SEC23A: variants seen among roughly 807,000 people sequenced by gnomAD.
SEC23A encodes SEC23 homolog A, COPII component.
SEC23A carries 56 observed loss-of-function variants against 103.7 expected under a neutral mutation model. That is an observed-to-expected ratio of 0.54 (90% confidence interval 0.44 to 0.67). The LOEUF (loss-of-function observed/expected upper bound fraction) is 0.67. SEC23A is among the 30% of genes least tolerant of loss of function. The pLI is 0.00. For synonymous variants in SEC23A, 281 were observed against 293.0 expected, an observed-to-expected ratio of 0.96 and a Z score of 0.42; for missense variants, 784 against 936.4, an observed-to-expected ratio of 0.84 and a Z score of 2.12.
chr14:39,087,388 G>T (rs57550673), intron 5 of SEC23A: 59,328 of 208,232 alleles, frequency 0.28, 9,691 homozygotes, highest in Non-Finnish European at 0.35. Flanking sequence ...GGAATACAAT[G>T]GTAAAAACTA....
chr14:39,082,975 AT>A (rs536653627), intron 7 of SEC23A, among the ~76,000 whole-genome samples: 44 of 152,336 alleles, frequency 2.9e-4, no homozygotes, highest in Non-Finnish European at 5.6e-4. Context: ...AGTAAAGGAA[AT>A]TATTGGGACA....
intron 13 of SEC23A, among the ~76,000 whole-genome samples, chr14:39,055,727 T>C (rs1886222938): frequency 6.6e-6 from 1 of 152,190 alleles, no homozygotes; most frequent in Non-Finnish European, 1.5e-5. Flanking sequence ...GATAACATTA[T>C]CCAAGAAGCC....
chr14:39,062,886 A>G (rs1036362090), intron 12 of SEC23A, among the ~76,000 whole-genome samples: 2 of 152,292 alleles, frequency 1.3e-5, no homozygotes, highest in African/African-American at 4.8e-5. Context: ...AAATACGATT[A>G]CTTTCCAAAC....
intron 5 of SEC23A, among the ~76,000 whole-genome samples, chr14:39,090,043 C>T (rs915763821): frequency 4.6e-5 from 7 of 152,180 alleles, no homozygotes; most frequent in African/African-American, 1.7e-4. Context: ...ACTCATTATC[C>T]TCCCCATTTA....
Position 39,045,253 on chromosome 14 carries a change from A to G in SEC23A, c.1809T>C (p.Tyr603=). The part of the protein sequence containing the change: ...FNNSPDESSY[Y]RHHFMRQDLT... ...GATCTTGACGCATAAAATGGTGACG[A>G]TAATATGAACTCTCATCAGGACTAT... The change falls in exon 16 of 20, where the codon TAT becomes TAC. Residue 603 remains tyrosine (Y), a synonymous_variant. Transcript: ENST00000307712. 1 of 1,613,008 alleles carries G rather than the reference A, an allele frequency of 6.2e-7. No individual in the cohort carries two copies. The highest frequency in any genetic ancestry group is 1.1e-5 in the South Asian group (1 of 91,050).
At chr14:39,085,360 T>A (rs1049119848) in intron 7 of SEC23A, among the ~76,000 whole-genome samples, 2 of 152,158 alleles carry the variant, frequency 1.3e-5, no homozygotes, top group Admixed American at 1.3e-4. Flanking sequence ...TAGAGTTCTG[T>A]GAGCCATTCT....
chr14:39,099,011 T>C (rs1473306087), intron 1 of SEC23A, among the ~76,000 whole-genome samples: 2 of 152,024 alleles, frequency 1.3e-5, no homozygotes, highest in Admixed American at 1.3e-4. Flanking sequence ...CCAAGGATAG[T>C]ACATAACTAG....
At chr14:39,071,059 A>T (rs1057316287) in intron 9 of SEC23A, among the ~76,000 whole-genome samples, 2 of 151,996 alleles carry the variant, frequency 1.3e-5, no homozygotes, top group Non-Finnish European at 1.5e-5. Context: ...TAAACGACTT[A>T]CCCCGAAGAT....
chr14:39,096,608 T>TA (rs1202722495), intron 1 of SEC23A, among the ~76,000 whole-genome samples: 1 of 151,878 alleles, frequency 6.6e-6, no homozygotes, highest in Non-Finnish European at 1.5e-5. Context: ...ACAAAATAAT[T>TA]AATGGCTCTA....
chr14:39,080,447 G>T (rs1162767731), intron 7 of SEC23A, among the ~76,000 whole-genome samples: 3 of 152,118 alleles, frequency 2.0e-5, no homozygotes, highest in Non-Finnish European at 4.4e-5. Flanking sequence ...TGCTCTGTCG[G>T]CCAGGCTGGA....
At chr14:39,076,118 TA>T (rs1423890196) in intron 7 of SEC23A, 25 bp from the exon 8 acceptor site, 1 of 1,554,886 alleles carries the variant, frequency 6.4e-7, no homozygotes, top group East Asian at 2.3e-5. Flanking sequence ...GTCAAGAGTT[TA>T]AAAGAAAACA....
chr14:39,048,589 G>T, intron 15 of SEC23A, 63 bp downstream of exon 15: 1 of 1,014,662 alleles, frequency 9.9e-7, no homozygotes, highest in Non-Finnish European at 1.6e-6. Flanking sequence ...GACATAGGGA[G>T]AGCCTGTCTC....
Position 39,056,201 on chromosome 14 carries a change from T to A in SEC23A, c.1506-905A>T, listed in dbSNP as rs144232526. On this transcript the variant is annotated intron_variant, in intron 13 of 19. Coordinates refer to ENST00000307712, the MANE Select transcript of SEC23A (RefSeq NM_006364.4). The stretch of plus-strand genomic sequence containing the variant: ...AAGTGTGTAGATAAGCCAAGCCCTG[T>A]CTTTGTTCAGGGCCCAGTCTTCGGA... 2.2e-3 allele frequency among the ~76,000 whole-genome samples: 330 copies of A among 152,214 alleles called. 1 individual carries two copies. The highest frequency in any genetic ancestry group is 7.7e-3 in the African/African-American group (321 of 41,546).
In SEC23A at chr14:39,045,218, G is replaced by A; in HGVS notation, c.1844C>T (p.Ser615Phe). The change falls in exon 16 of 20, where the codon TCT becomes TTT. Residue 615 changes from serine to phenylalanine, a missense_variant. This residue lies in a region of SEC23A where 683 missense variants were observed against 774.2 expected (regional missense o/e 0.88). Coordinates refer to ENST00000307712, the MANE Select transcript of SEC23A (RefSeq NM_006364.4). ...CAGGATAGGCTGAATCATAATTAGAGACTGGGTCAGATCTTGACGCATAAA... is the reference window on the plus strand; with the variant it reads ...CAGGATAGGCTGAATCATAATTAGAAACTGGGTCAGATCTTGACGCATAAA... ...HHFMRQDLTQ[S>F]LIMIQPILYA... is the part of the protein sequence containing the mutation. 1 of 1,613,540 alleles carries A rather than the reference G, an allele frequency of 6.2e-7. No individual in the cohort carries two copies. Among genetic ancestry groups the A allele is most frequent in the Admixed American group, 1.7e-5 (1 of 60,008 alleles).
chr14:39,057,027 C>T (rs943324165), intron 13 of SEC23A, among the ~76,000 whole-genome samples: 9 of 152,068 alleles, frequency 5.9e-5, no homozygotes, highest in Non-Finnish European at 5.9e-5. Flanking sequence ...AAGACCCTAT[C>T]TCTAGGCTGG....
chr14:39,046,568 T>C (rs899894418), intron 15 of SEC23A, among the ~76,000 whole-genome samples: 2 of 152,164 alleles, frequency 1.3e-5, no homozygotes. Flanking sequence ...TACCATGACT[T>C]AAAAATTGTA....
intron 15 of SEC23A, among the ~76,000 whole-genome samples, chr14:39,046,217 C>T (rs1166414749): frequency 6.6e-6 from 1 of 152,184 alleles, no homozygotes; most frequent in Non-Finnish European, 1.5e-5. Context: ...GCTTGTAATC[C>T]TAGCACTCTG....
In SEC23A at chr14:39,095,900, T is replaced by G. The variant is rs1474483031; in HGVS notation, c.219A>C (p.Leu73Phe). Residue 73 changes from leucine to phenylalanine, a missense_variant and splice_region_variant, in exon 2 of 20, where the codon TTA becomes TTC. By Grantham distance (22) the Leu-to-Phe change is conservative. This residue lies in a region of SEC23A where 683 missense variants were observed against 774.2 expected (regional missense o/e 0.88). Coordinates refer to ENST00000307712, the MANE Select transcript of SEC23A (RefSeq NM_006364.4). ...GTTTTTCTATATATTTTACTTACCA[T>G]AAAGGATTCAAAACTGCACGGCAAG... ...RTTCRAVLNPLCQVDYRAKLW... is the reference protein window; with the variant it reads ...RTTCRAVLNPFCQVDYRAKLW... The G allele has an allele frequency of 6.2e-7, 1 of 1,604,696 alleles. No homozygotes were observed. Among genetic ancestry groups the G allele is most frequent in the Admixed American group, 1.7e-5 (1 of 60,004 alleles).
At chr14:39,095,571 A>C (rs190818513) in intron 2 of SEC23A, among the ~76,000 whole-genome samples, 189 of 152,292 alleles carry the variant, frequency 1.2e-3, no homozygotes, top group African/African-American at 4.3e-3. Flanking sequence ...TGCTGGGATT[A>C]CAGGCATGAG....
Sources: gnomAD v4.1 joint callset for allele counts (sites outside exome capture counted in the v4.1 genomes callset) on GRCh38, gnomAD v4.1.1 for gene constraint, gnomAD v4.1.1 regional missense constraint, MANE v1.5 for transcripts, NCBI Gene and HGNC (gene_info 2026-07-23, HGNC 2026-07-21) for gene names.